The following ARHGAP28 variants were observed in gnomAD, a reference collection of about 807,000 sequenced individuals.
ARHGAP28 encodes the protein Rho GTPase activating protein 28, also known as rho GTPase-activating protein 28.
ARHGAP28 carries 56 observed loss-of-function variants against 90.7 expected under a neutral mutation model. The ratio of observed to expected loss-of-function variants is 0.62; its 90% confidence interval spans 0.50 to 0.77. The LOEUF is 0.77. ARHGAP28 is among the 30% of genes least tolerant of loss of function. The probability of loss-of-function intolerance (pLI) is 0.00; values close to 1 mark genes in which losing one functional copy is unlikely to be tolerated. For missense variants in ARHGAP28, 869 were observed against 900.9 expected, an observed-to-expected ratio of 0.96 and a Z score of 0.45; for synonymous variants, 308 against 323.3, an observed-to-expected ratio of 0.95 and a Z score of 0.51.
At chr18:6,757,980 T>C (rs1389142074) in intron 1 of ARHGAP28, among the ~76,000 whole-genome samples, 2 of 152,200 alleles carry the variant, frequency 1.3e-5, no homozygotes, top group Non-Finnish European at 2.9e-5. Context: ...TCAGCATTCC[T>C]AAGCCGAGCT....
intron 3 of ARHGAP28, among the ~76,000 whole-genome samples, chr18:6,844,494 C>T (rs1443507011): frequency 6.6e-5 from 10 of 152,230 alleles, no homozygotes; most frequent in South Asian, 2.1e-4. Context: ...AATGCAATGA[C>T]GAGTGCATAG....
intron 5 of ARHGAP28, among the ~76,000 whole-genome samples, chr18:6,865,347 T>C (rs2057030317): frequency 1.3e-5 from 2 of 152,194 alleles, no homozygotes; most frequent in Non-Finnish European, 2.9e-5. Flanking sequence ...ATTTTGCAAG[T>C]GTTATATCTT....
chr18:6,754,041 T>G (rs2056090416), intron 1 of ARHGAP28, among the ~76,000 whole-genome samples: 1 of 152,218 alleles, frequency 6.6e-6, no homozygotes, highest in East Asian at 1.9e-4. Context: ...TAAAGTCTAC[T>G]TATCTCAAAT....
At position 6,866,865 on chromosome 18, in the gene ARHGAP28, T is replaced by C. The variant is rs568525549; in HGVS notation, c.727-1285T>C. Among the ~76,000 whole-genome samples the C allele has an allele frequency of 6.4e-4, 97 of 152,300 alleles. 1 individual carries two copies. The highest frequency in any genetic ancestry group is 2.2e-3 in the African/African-American group (90 of 41,568). On this transcript the variant is annotated intron_variant, in intron 5 of 17. Transcript: ENST00000383472. ...GCCCTAAATAAATAAAAAAGTCTTA[T>C]CAATTTTCAAAAGAGTCTTCTCTCC...
chr18:6,898,773 G>A, intron 16 of ARHGAP28: 3 of 1,248,354 alleles, frequency 2.4e-6, no homozygotes, highest in Non-Finnish European at 3.0e-6. Context: ...AAAAATCTTA[G>A]TAACTCAGGA....
At chr18:6,823,843 G>A (rs1375110006) in intron 1 of ARHGAP28, among the ~76,000 whole-genome samples, 2 of 152,014 alleles carry the variant, frequency 1.3e-5, no homozygotes, top group Non-Finnish European at 2.9e-5. Flanking sequence ...TGCCTTCCAG[G>A]TCAAGTGATT....
rs1210287374 is a variant in ARHGAP28 at position 6,913,698 on chromosome 18, A to G, written c.*1544A>G. 1 of 151,516 alleles carries G rather than the reference A, an allele frequency of 6.6e-6. No homozygotes were observed. The highest frequency in any genetic ancestry group is 2.4e-5 in the African/African-American group (1 of 41,208). 9.4% of individuals were successfully genotyped at this position (151,516 alleles called of 1,614,324 possible). A position where few individuals can be genotyped will look rare whatever the true frequency, so the allele number is the denominator to read the frequency against. ...ATATAGATAACTTTCTGGCATTTAG[A>G]ATTTTGTTCCATTCATTTAATTTGT... On this transcript the variant is annotated 3_prime_UTR_variant, in exon 18 of 18. Transcript: ENST00000383472.
At chr18:6,909,416 C>T (rs2057384237) in intron 17 of ARHGAP28, among the ~76,000 whole-genome samples, 1 of 151,698 alleles carries the variant, frequency 6.6e-6, no homozygotes, top group African/African-American at 2.4e-5. Flanking sequence ...CCTCAGCCTC[C>T]CTAGTAGCTG....
chr18:6,908,521 T>C (rs1050049782), intron 16 of ARHGAP28, among the ~76,000 whole-genome samples: 1 of 152,206 alleles, frequency 6.6e-6, no homozygotes, highest in Admixed American at 6.5e-5. Flanking sequence ...AACTGAGAAA[T>C]GTGACATGGG....
intron 10 of ARHGAP28, among the ~76,000 whole-genome samples, chr18:6,876,526 T>G (rs2057132404): frequency 6.6e-6 from 1 of 152,224 alleles, no homozygotes; most frequent in African/African-American, 2.4e-5. Context: ...AAACTGCTGC[T>G]TGCCTTTAGT....
chr18:6,738,328 TTATAATTTACTTA>T (rs2055946045), intron 1 of ARHGAP28, among the ~76,000 whole-genome samples: 1 of 151,934 alleles, frequency 6.6e-6, no homozygotes, highest in Non-Finnish European at 1.5e-5. Context: ...TATACTTTAC[TTATAATTTACTTA>T]TATACATTTA....
chr18:6,829,944 C>T (rs913183824), intron 2 of ARHGAP28, among the ~76,000 whole-genome samples: 1 of 152,154 alleles, frequency 6.6e-6, no homozygotes, highest in Non-Finnish European at 1.5e-5. Context: ...GGGGAGAATG[C>T]GTTCCATGTC....
chr18:6,834,093 CT>C (rs1002569507), intron 2 of ARHGAP28, among the ~76,000 whole-genome samples: 1 of 151,720 alleles, frequency 6.6e-6, no homozygotes, highest in Non-Finnish European at 1.5e-5. Flanking sequence ...AATGAACTCC[CT>C]TTAGAGCAGG....
rs1447883189 is a variant in ARHGAP28, at chr18:6,850,925, C to T, written c.544-109C>T. On this transcript the variant is annotated intron_variant, in intron 3 of 17. Transcript: ENST00000383472. Reference sequence around the variant, plus strand: ...GGTAGTCATTAATTGTATATATCTCCAGGCAGCTGTACATATATATAAAAA... The same window carrying T: ...GGTAGTCATTAATTGTATATATCTCTAGGCAGCTGTACATATATATAAAAA... 1.9e-6 allele frequency: 3 copies of T among 1,539,176 alleles called. No individual in the cohort carries two copies. The Admixed American group carries it at 5.8e-5, about 30-fold the overall frequency.
At chr18:6,826,412 TCCCATACTCTTGGTTGTCTGTTTA>T (rs2056663499) in intron 2 of ARHGAP28, among the ~76,000 whole-genome samples, 1 of 152,068 alleles carries the variant, frequency 6.6e-6, no homozygotes, top group Non-Finnish European at 1.5e-5. Context: ...GAATATTTTC[TCCCATACTCTTGGTTGTCTGTTTA>T]CTCTGTTAAT....
At chr18:6,745,069 G>A (rs72882574) in intron 1 of ARHGAP28, among the ~76,000 whole-genome samples, 5,476 of 152,062 alleles carry the variant, frequency 0.036, 128 homozygotes, top group South Asian at 0.049. Context: ...AAATTAAAGT[G>A]GAGAGTTCCA....
intron 12 of ARHGAP28, among the ~76,000 whole-genome samples, chr18:6,888,865 C>A (rs751807820): frequency 6.6e-6 from 1 of 152,152 alleles, no homozygotes; most frequent in African/African-American, 2.4e-5. Context: ...GCTAGGATTG[C>A]AGCTGGTGTG....
intron 10 of ARHGAP28, among the ~76,000 whole-genome samples, chr18:6,878,359 G>T (rs560863224): frequency 1.7e-5 from 2 of 118,376 alleles, no homozygotes; most frequent in Admixed American, 9.6e-5. Flanking sequence ...GTGGGGGGAG[G>T]GGGGAGGGAT....
intron 1 of ARHGAP28, among the ~76,000 whole-genome samples, chr18:6,794,044 A>G (rs1306462426): frequency 6.6e-6 from 1 of 152,222 alleles, no homozygotes; most frequent in African/African-American, 2.4e-5. Flanking sequence ...AAAATAAACA[A>G]TATTTCTCAT....
Sources: allele counts gnomAD v4.1 joint callset (sites outside exome capture counted in the v4.1 genomes callset), GRCh38; gene constraint gnomAD v4.1.1; transcripts MANE v1.5; gene names NCBI Gene and HGNC (gene_info 2026-07-23, HGNC 2026-07-21).